The following PLD1 variants were observed in gnomAD, a reference collection of about 807,000 sequenced individuals.
The protein encoded by PLD1 is phospholipase D1, also known as choline phosphatase 1.
PLD1 carries 112 observed loss-of-function variants against 137.1 expected under a neutral mutation model. The ratio of observed to expected loss-of-function variants is 0.82; its 90% CI spans 0.70 to 0.96. PLD1 has a LOEUF of 0.96. Ranked by LOEUF, PLD1 falls within the 40% of genes least tolerant of loss-of-function variation. The pLI is 0.00. For missense variants in PLD1, 1,321 were observed against 1,342.0 expected (o/e 0.98, Z 0.24); for synonymous variants, 431 against 454.7 (o/e 0.95, Z 0.66).
intron 1 of PLD1, chr3:171,765,007 A>C (rs141098073): frequency 1.3e-5 from 2 of 148,384 alleles, no homozygotes; most frequent in African/African-American, 5.1e-5. Flanking sequence ...AGAAAGAAAG[A>C]GAAAAAGAAA....
intron 1 of PLD1, among the ~76,000 whole-genome samples, chr3:171,785,106 T>C (rs183688304): frequency 6.6e-4 from 101 of 152,348 alleles, no homozygotes; most frequent in African/African-American, 2.3e-3. Context: ...TGTTGTGGGA[T>C]ACTGCCAAAG....
At chr3:171,769,200 T>G (rs1722179141) in intron 1 of PLD1, among the ~76,000 whole-genome samples, 1 of 152,222 alleles carries the variant, frequency 6.6e-6, no homozygotes, top group Non-Finnish European at 1.5e-5. Context: ...TTGTTTCGAA[T>G]CTGTGGTCTT....
chr3:171,604,186 C>T (rs1333161916), intron 26 of PLD1, among the ~76,000 whole-genome samples: 1 of 151,792 alleles, frequency 6.6e-6, no homozygotes, highest in Non-Finnish European at 1.5e-5. Flanking sequence ...TGCTGGTGGG[C>T]ACCTGTAGGC....
At chr3:171,609,611 T>C (rs142993136) in intron 25 of PLD1, among the ~76,000 whole-genome samples, 11 of 151,550 alleles carry the variant, frequency 7.3e-5, no homozygotes, top group Admixed American at 1.3e-4. Flanking sequence ...TGTAGCAACA[T>C]GCATGGAGTT....
chr3:171,713,392 T>TA (rs1717422117), intron 9 of PLD1, among the ~76,000 whole-genome samples: 1 of 152,110 alleles, frequency 6.6e-6, no homozygotes, highest in South Asian at 2.1e-4. Flanking sequence ...ACCTGAAAGA[T>TA]AGAGTTTCAG....
intron 1 of PLD1, among the ~76,000 whole-genome samples, chr3:171,773,614 AAAAC>A (rs780950991): frequency 8.0e-5 from 12 of 150,546 alleles, no homozygotes; most frequent in African/African-American, 1.3e-4. Flanking sequence ...AAAACAAAAC[AAAAC>A]AAACAAACTA....
At chr3:171,747,916 TCC>T in intron 1 of PLD1, among the ~76,000 whole-genome samples, 1 of 148,902 alleles carries the variant, frequency 6.7e-6, no homozygotes, top group African/African-American at 2.6e-5. Context: ...GTGCTCAACT[TCC>T]TCACCTAAAA....
At chr3:171,638,044 G>C (rs1280086534) in intron 23 of PLD1, among the ~76,000 whole-genome samples, 5 of 152,160 alleles carry the variant, frequency 3.3e-5, no homozygotes, top group African/African-American at 1.2e-4. Context: ...AATTAGCCAG[G>C]TGCGGCGATG....
chr3:171,753,866 G>A (rs1393477943), intron 1 of PLD1, among the ~76,000 whole-genome samples: 2 of 152,120 alleles, frequency 1.3e-5, no homozygotes, highest in Admixed American at 1.3e-4. Flanking sequence ...TGAGGTTTTT[G>A]TATTACGTTT....
At chr3:171,636,515 A>C (rs952898623) in intron 23 of PLD1, among the ~76,000 whole-genome samples, 28 of 151,898 alleles carry the variant, frequency 1.8e-4, no homozygotes, top group African/African-American at 5.8e-4. Context: ...TAAATATTTA[A>C]TTCTTTTGAT....
chr3:171,781,214 A>G (rs938901566), intron 1 of PLD1, among the ~76,000 whole-genome samples: 2 of 144,166 alleles, frequency 1.4e-5, no homozygotes, highest in Admixed American at 7.2e-5. Flanking sequence ...TCCAATAGAG[A>G]AAAAAAATGA....
chr3:171,619,970 T>A (rs1323956425), intron 24 of PLD1, among the ~76,000 whole-genome samples: 1 of 152,196 alleles, frequency 6.6e-6, no homozygotes, highest in Non-Finnish European at 1.5e-5. Flanking sequence ...TGGCACATTA[T>A]TGGACTGCTG....
chr3:171,768,433 A>G (rs915103353), intron 1 of PLD1, among the ~76,000 whole-genome samples: 1 of 152,228 alleles, frequency 6.6e-6, no homozygotes, highest in Admixed American at 6.5e-5. Context: ...TATAAACTGC[A>G]GATGAAAAGC....
rs375284626 is a variant in PLD1, at chr3:171,808,319, G to A, written c.-32+2080C>T. On this transcript the variant is annotated intron_variant, in intron 1 of 26. Transcript: ENST00000351298. ...TGGGAGGCCGAGGCGGGCGGATCACGAGGTCAGGAAATCGAGACCATCCTG... is the reference window on the plus strand; with the variant it reads ...TGGGAGGCCGAGGCGGGCGGATCACAAGGTCAGGAAATCGAGACCATCCTG... 2.0e-5 allele frequency among the ~76,000 whole-genome samples: 3 copies of A among 152,038 alleles called. No individual in the cohort carries two copies. In the South Asian group the frequency reaches 6.2e-4, roughly 32 times the overall value.
intron 21 of PLD1, among the ~76,000 whole-genome samples, chr3:171,648,620 T>A (rs1172753957): frequency 6.6e-6 from 1 of 151,942 alleles, no homozygotes; most frequent in Non-Finnish European, 1.5e-5. Flanking sequence ...CGTGGTGCGA[T>A]CTCGGCTCAC....
chr3:171,753,341 C>G (rs1410457648), intron 1 of PLD1, among the ~76,000 whole-genome samples: 4 of 152,192 alleles, frequency 2.6e-5, no homozygotes, highest in Non-Finnish European at 5.9e-5. Flanking sequence ...CAAGAAATGG[C>G]AAGTTAAAAG....
intron 11 of PLD1, among the ~76,000 whole-genome samples, chr3:171,704,474 A>C (rs1431629378): frequency 6.6e-6 from 1 of 150,748 alleles, no homozygotes; most frequent in East Asian, 1.9e-4. Flanking sequence ...AAAAAAAAAA[A>C]AAACCTTATC....
At chr3:171,629,008 C>A (rs1360164732) in intron 23 of PLD1, among the ~76,000 whole-genome samples, 1 of 146,454 alleles carries the variant, frequency 6.8e-6, no homozygotes, top group East Asian at 2.0e-4. Context: ...GAAGTTCTGG[C>A]CAGGGCAATT....
chr3:171,642,693 G>A, intron 23 of PLD1, 147 bp downstream of exon 23: 1 of 560,552 alleles, frequency 1.8e-6, no homozygotes, highest in South Asian at 2.6e-5. Context: ...AACTTAATGA[G>A]AATAAATACT....
Sources: allele counts gnomAD v4.1 joint callset (sites outside exome capture counted in the v4.1 genomes callset), GRCh38; gene constraint gnomAD v4.1.1; transcripts MANE v1.5; gene names NCBI Gene and HGNC (gene_info 2026-07-23, HGNC 2026-07-21).